The following SCN7A variants were observed in gnomAD, a reference collection of about 807,000 sequenced individuals.
The protein encoded by SCN7A is sodium channel protein type 7 subunit alpha.
SCN7A carries 138 observed loss-of-function variants against 155.2 expected under a neutral mutation model. That is an observed-to-expected ratio of 0.89 (90% confidence interval 0.77 to 1.02). The LOEUF is 1.02. Ranked by LOEUF, SCN7A falls within the 50% of genes least tolerant of loss-of-function variation. The pLI is 0.00. For missense variants in SCN7A, 2,058 were observed against 1,986.6 expected, an observed-to-expected ratio of 1.04 and a Z score of -0.68; for synonymous variants, 693 against 649.0, an observed-to-expected ratio of 1.07 and a Z score of -1.03.
chr2:166,483,209 A>T (rs1395120509), intron 2 of SCN7A, among the ~76,000 whole-genome samples: 1 of 152,044 alleles, frequency 6.6e-6, no homozygotes, highest in Non-Finnish European at 1.5e-5. Context: ...ATAGAAAAAA[A>T]ATTTCTCCTT....
At chr2:166,414,291 C>CAT (rs1289665485) in intron 21 of SCN7A, among the ~76,000 whole-genome samples, 10 of 42,722 alleles carry the variant, frequency 2.3e-4, no homozygotes, top group South Asian at 1.4e-3. Flanking sequence ...TATATACACA[C>CAT]ACATATATAT....
chr2:166,479,279 A>G (rs1208217967), intron 2 of SCN7A, among the ~76,000 whole-genome samples: 1 of 152,144 alleles, frequency 6.6e-6, no homozygotes, highest in African/African-American at 2.4e-5. Context: ...AAAAGTAAGC[A>G]TAAGATAAGT....
intron 10 of SCN7A, among the ~76,000 whole-genome samples, chr2:166,460,187 G>A (rs1053040363): frequency 6.6e-6 from 1 of 152,132 alleles, no homozygotes; most frequent in Non-Finnish European, 1.5e-5. Flanking sequence ...CTAATGGCAG[G>A]ACACTTCCAG....
rs763389209 is a variant in SCN7A, at chr2:166,406,600, T to C, written c.4029A>G (p.Ser1343=). 6 of 1,611,822 alleles carry C rather than the reference T, an allele frequency of 3.7e-6. No individual in the cohort carries two copies. Among genetic ancestry groups the C allele is most frequent in the Non-Finnish European group, 5.1e-6 (6 of 1,178,790 alleles). The change falls in exon 26 of 26, where the codon TCA becomes TCG. Residue 1343 remains serine (S), a synonymous_variant. Transcript: ENST00000643258. ...MTVGSYLVPP[S]LVQLILLSRI... The stretch of plus-strand genomic sequence containing the variant: ...GTGAGAGAAGTATCAGTTGCACAAG[T>C]GAAGGAGGCACAAGGTAGGATCCTA...
At chr2:166,477,289 A>G (rs900489737) in intron 3 of SCN7A, among the ~76,000 whole-genome samples, 174 bp downstream of exon 3, 9 of 151,970 alleles carry the variant, frequency 5.9e-5, no homozygotes, top group African/African-American at 1.7e-4. Context: ...TTTGACAAAA[A>G]TCTCCAATAT....
intron 19 of SCN7A, among the ~76,000 whole-genome samples, chr2:166,422,272 C>T (rs1701527169): frequency 6.6e-6 from 1 of 152,030 alleles, no homozygotes; most frequent in Admixed American, 6.6e-5. Context: ...GTTCTAGGCA[C>T]ATGACTTAAA....
At chr2:166,488,544 G>A (rs1289139949) in intron 1 of SCN7A, among the ~76,000 whole-genome samples, 4 of 151,982 alleles carry the variant, frequency 2.6e-5, no homozygotes, top group African/African-American at 7.2e-5. Flanking sequence ...TTACAGGCTG[G>A]GATATGGAGG....
intron 18 of SCN7A, among the ~76,000 whole-genome samples, chr2:166,425,123 T>C (rs188497416): frequency 2.0e-5 from 3 of 152,076 alleles, no homozygotes; most frequent in Admixed American, 6.6e-5. Context: ...CAGTCTGGGC[T>C]CCAGAGCCTC....
At chr2:166,429,846 C>G (rs999719713) in intron 16 of SCN7A, among the ~76,000 whole-genome samples, 1 of 152,000 alleles carries the variant, frequency 6.6e-6, no homozygotes, top group African/African-American at 2.4e-5. Context: ...ATGAAAAGCA[C>G]CCAGATGCAG....
chr2:166,405,604 C>A lies in SCN7A; in HGVS notation c.5025G>T (p.Lys1675Asn), dbSNP rs201084926. ...EGAYFDKAKE[K>N]SPIQSQI is the part of the protein sequence containing the mutation. ...ATTAGATCTGGCTTTGAATAGGTGACTTTTCCTTAGCTTTGTCAAAATAGG... is the reference window on the plus strand; with the variant it reads ...ATTAGATCTGGCTTTGAATAGGTGAATTTTCCTTAGCTTTGTCAAAATAGG... Residue 1675 changes from lysine to asparagine, a missense_variant, in exon 26 of 26, where the codon AAG becomes AAT. Physicochemically the swap from Lys to Asn is moderately conservative, Grantham distance 94 (BLOSUM62 0). Transcript: ENST00000643258. 1 of 1,594,080 alleles carries A rather than the reference C, an allele frequency of 6.3e-7. No homozygotes were observed. Among genetic ancestry groups the A allele is most frequent in the Non-Finnish European group, 8.5e-7 (1 of 1,171,082 alleles).
intron 7 of SCN7A, among the ~76,000 whole-genome samples, chr2:166,469,719 G>C (rs972445532): frequency 5.3e-5 from 8 of 151,944 alleles, no homozygotes; most frequent in Middle Eastern, 3.4e-3. Flanking sequence ...TAGTAAGGGA[G>C]CTAGAGCTGT....
In SCN7A at chr2:166,462,527, C is replaced by T. The variant is rs1702437690; in HGVS notation, c.945G>A (p.Gln315=). 7.4e-6 allele frequency: 12 copies of T among 1,613,502 alleles called. No homozygotes were observed. Among genetic ancestry groups the T allele is most frequent in the Non-Finnish European group, 1.0e-5 (12 of 1,179,712 alleles). Residue 315 remains glutamine (Q), a synonymous_variant, in exon 10 of 26, where the codon CAG becomes CAA. Transcript: ENST00000643258. The stretch of plus-strand genomic sequence containing the variant: ...TTACACACACATATCCTTCAGGACA[C>T]TGACTAAAGAAGACAAAGAAAAAAA... The part of the protein sequence containing the change: ...LLCGNRTDAG[Q]CPEGYVCVKA...
At position 166,490,885 on chromosome 2, in the gene SCN7A, AG is replaced by A. The variant is rs570713389; in HGVS notation, c.-128+3082del. ...GATGTCCATCCCCTTCTCAAATTAG[AG>A]AGAAACTAGAAAGGTGCCTTGAAAC... On this transcript the variant is annotated intron_variant, in intron 1 of 25. Transcript: ENST00000643258. 3.3e-5 allele frequency among the ~76,000 whole-genome samples: 5 copies of A among 152,320 alleles called. No individual in the cohort carries two copies. In the South Asian group the frequency reaches 1.0e-3, roughly 32 times the overall value.
In SCN7A at chr2:166,470,657, C is replaced by A; in HGVS notation, c.622G>T (p.Ala208Ser). 2.5e-6 allele frequency: 4 copies of A among 1,608,692 alleles called. No individual in the cohort carries two copies. The highest frequency in any genetic ancestry group is 2.7e-5 in the African/African-American group (2 of 74,760). ...ATTTTTAAAATTCTCAAAGTTCTTG[C>A]AGTTTGAAGCGTTGGAATGAAGTCC... is the stretch of plus-strand genomic sequence containing the variant. ...PLDFIPTLQT[A>S]RTLRILKIIP... The change falls in exon 7 of 26, where the codon GCA becomes TCA. Residue 208 changes from alanine to serine, a missense_variant. Physicochemically the swap from Ala to Ser is moderately conservative, Grantham distance 99. Coordinates refer to ENST00000643258, the MANE Select transcript of SCN7A (RefSeq NM_002976.4).
At chr2:166,475,121 C>CACACATAT (rs1226805861) in intron 3 of SCN7A, among the ~76,000 whole-genome samples, 4 of 102,234 alleles carry the variant, frequency 3.9e-5, no homozygotes, top group African/African-American at 1.6e-4. Context: ...TATATATATA[C>CACACATAT]ATATATATAT....
chr2:166,479,555 G>A (rs111769894), intron 2 of SCN7A, among the ~76,000 whole-genome samples: 6 of 151,564 alleles, frequency 4.0e-5, no homozygotes, highest in African/African-American at 7.2e-5. Flanking sequence ...CATGTCTGCC[G>A]CATTCTACTT....
At chr2:166,480,193 C>A (rs946997429) in intron 2 of SCN7A, among the ~76,000 whole-genome samples, 1 of 152,194 alleles carries the variant, frequency 6.6e-6, no homozygotes, top group Non-Finnish European at 1.5e-5. Context: ...CAGGGTGGCT[C>A]ATGCCTGTAA....
At chr2:166,433,570 T>C (rs1316027143) in intron 15 of SCN7A, among the ~76,000 whole-genome samples, 2 of 152,126 alleles carry the variant, frequency 1.3e-5, no homozygotes, top group Non-Finnish European at 2.9e-5. Flanking sequence ...AAAGGTTACA[T>C]AGATTAGACC....
chr2:166,462,202 G>T, intron 10 of SCN7A, 187 bp downstream of exon 10: 1 of 496,192 alleles, frequency 2.0e-6, no homozygotes, highest in Admixed American at 3.3e-5. Context: ...GATTAAATAA[G>T]ATATAATACA....
Sources: allele counts gnomAD v4.1 joint callset (sites outside exome capture counted in the v4.1 genomes callset), GRCh38; gene constraint gnomAD v4.1.1; transcripts MANE v1.5; gene names NCBI Gene and HGNC (gene_info 2026-07-23, HGNC 2026-07-21).